The following CSMD3 variants were observed in gnomAD, a reference collection of about 807,000 sequenced individuals.
CSMD3 encodes CUB and sushi domain-containing protein 3.
In CSMD3, 177 loss-of-function variants were observed where a neutral mutation model predicts 435.2. That is an observed-to-expected ratio of 0.41 (90% CI 0.36 to 0.46). The LOEUF is 0.46. Ranked by LOEUF, CSMD3 falls within the 20% of genes least tolerant of loss-of-function variation. The pLI is 0.34. For missense variants in CSMD3, 4,265 were observed against 4,504.6 expected (o/e 0.95, Z 1.52); for synonymous variants, 1,656 against 1,520.5 (o/e 1.09, Z -2.07).
chr8:113,154,429 G>A (rs2091893332), intron 4 of CSMD3, among the ~76,000 whole-genome samples: 1 of 151,896 alleles, frequency 6.6e-6, no homozygotes, highest in African/African-American at 2.4e-5. Context: ...CCTAAAATGT[G>A]TGACCTTTGA....
chr8:113,419,723 C>T (rs931061243), intron 1 of CSMD3, among the ~76,000 whole-genome samples: 1 of 151,950 alleles, frequency 6.6e-6, no homozygotes, highest in Non-Finnish European at 1.5e-5. Flanking sequence ...CCCATAGTGC[C>T]TTTTATCTCC....
chr8:112,331,564 A>AT (rs4030103), intron 45 of CSMD3, among the ~76,000 whole-genome samples: 45 of 151,698 alleles, frequency 3.0e-4, no homozygotes, highest in South Asian at 1.5e-3. Context: ...AAAAACATAC[A>AT]TTTTTTTCCC....
intron 22 of CSMD3, among the ~76,000 whole-genome samples, chr8:112,624,104 A>C (rs1834292983): frequency 6.6e-6 from 1 of 152,114 alleles, no homozygotes; most frequent in South Asian, 2.1e-4. Flanking sequence ...ATTATCACCC[A>C]TGCACAAAGA....
chr8:112,823,065 T>C (rs1393151760), intron 12 of CSMD3, among the ~76,000 whole-genome samples: 1 of 152,208 alleles, frequency 6.6e-6, no homozygotes, highest in Non-Finnish European at 1.5e-5. Flanking sequence ...TTTGCATTGA[T>C]GTTCATCAGG....
Position 113,048,611 on chromosome 8 carries a change from C to G in CSMD3, c.918-29432G>C, listed in dbSNP as rs183931953. On this transcript the variant is annotated intron_variant, in intron 5 of 70. Transcript: ENST00000297405. ...TTTGAATAATTACATACTTCTTAAA[C>G]TTTTATATAATATTTTATTAAACAT... Among the ~76,000 whole-genome samples the G allele has an allele frequency of 4.6e-3, 700 of 152,126 alleles. 5 individuals carry two copies. Among genetic ancestry groups the G allele is most frequent in the African/African-American group, 0.015 (611 of 41,492 alleles).
intron 24 of CSMD3, among the ~76,000 whole-genome samples, chr8:112,561,308 G>A (rs2354349): frequency 0.26 from 39,143 of 151,358 alleles, 5,339 homozygotes; most frequent in East Asian, 0.47. Context: ...TTATACGCTG[G>A]TGAAATGAAA....
intron 10 of CSMD3, among the ~76,000 whole-genome samples, chr8:112,919,298 T>C (rs766156527): frequency 1.3e-5 from 2 of 151,854 alleles, no homozygotes; most frequent in Non-Finnish European, 2.9e-5. Context: ...ATTCAACAAA[T>C]AGTTCTTGAA....
rs543034674 is a variant in CSMD3, at chr8:113,254,895, G to C, written c.514+23697C>G. 3.3e-5 allele frequency among the ~76,000 whole-genome samples: 5 copies of C among 152,076 alleles called. No individual in the cohort carries two copies. In the South Asian group the frequency reaches 8.3e-4, roughly 25 times the overall value. ...ATGAATCACACTTGGCATTCATTCA[G>C]TTATTTATCTAAGTAGATATTCAAC... On this transcript the variant is annotated intron_variant, in intron 3 of 70. Coordinates refer to ENST00000297405, the MANE Select transcript of CSMD3 (RefSeq NM_198123.2).
chr8:113,285,266 T>A (rs2093637846), intron 2 of CSMD3, among the ~76,000 whole-genome samples: 1 of 150,608 alleles, frequency 6.6e-6, no homozygotes, highest in African/African-American at 2.4e-5. Context: ...GACAGCTTTT[T>A]TTTTTTTTTT....
intron 38 of CSMD3, among the ~76,000 whole-genome samples, chr8:112,373,304 T>G (rs917773708): frequency 1.4e-4 from 21 of 152,138 alleles, no homozygotes; most frequent in African/African-American, 4.8e-4. Flanking sequence ...TCTTCCCTTA[T>G]GTTACTCAGT....
chr8:112,293,016 T>C (rs1819924099), intron 54 of CSMD3, among the ~76,000 whole-genome samples: 1 of 152,054 alleles, frequency 6.6e-6, no homozygotes, highest in African/African-American at 2.4e-5. Context: ...TCTACTTTAT[T>C]GGGGAGGCAA....
At chr8:112,973,603 G>C (rs2084740298) in intron 7 of CSMD3, among the ~76,000 whole-genome samples, 1 of 151,898 alleles carries the variant, frequency 6.6e-6, no homozygotes, top group South Asian at 2.1e-4. Context: ...GCCATTTCCA[G>C]TTTAGAAATT....
chr8:112,723,479 G>C (rs896188926), intron 13 of CSMD3, among the ~76,000 whole-genome samples: 1 of 152,116 alleles, frequency 6.6e-6, no homozygotes, highest in African/African-American at 2.4e-5. Flanking sequence ...TCATTAAAGC[G>C]TAAGATAAAT....
chr8:113,181,180 T>C (rs1196667599), intron 3 of CSMD3, among the ~76,000 whole-genome samples: 2 of 151,924 alleles, frequency 1.3e-5, no homozygotes, highest in African/African-American at 4.8e-5. Context: ...TAGGGAGGAA[T>C]GAACACTGAT....
intron 13 of CSMD3, among the ~76,000 whole-genome samples, chr8:112,719,229 C>G (rs1357075015): frequency 6.6e-6 from 1 of 151,990 alleles, no homozygotes; most frequent in Non-Finnish European, 1.5e-5. Context: ...TATTTTCGGT[C>G]AGATTAGAAG....
chr8:112,519,300 A>G (rs1197946628), intron 27 of CSMD3, among the ~76,000 whole-genome samples: 2 of 152,220 alleles, frequency 1.3e-5, no homozygotes, highest in Non-Finnish European at 2.9e-5. Context: ...GGGTCTTAAC[A>G]ACCTTGTTGT....
intron 6 of CSMD3, among the ~76,000 whole-genome samples, chr8:112,994,102 C>T (rs375640272): frequency 2.6e-5 from 4 of 151,826 alleles, no homozygotes; most frequent in African/African-American, 9.6e-5. Flanking sequence ...GATAATATTT[C>T]TTGGTGATAA....
Position 113,123,597 on chromosome 8 carries a change from C to T in CSMD3, c.710-24634G>A, listed in dbSNP as rs368092441. ...CAGTTTTAGGCATAGGATCAAAACTCGTTTCTAACTTTCACTTTTCTTGCT... is the reference window on the plus strand; with the variant it reads ...CAGTTTTAGGCATAGGATCAAAACTTGTTTCTAACTTTCACTTTTCTTGCT... On this transcript the variant is annotated intron_variant, in intron 4 of 70. Coordinates refer to ENST00000297405, the MANE Select transcript of CSMD3 (RefSeq NM_198123.2). Among the ~76,000 whole-genome samples, 4 of 152,096 alleles carry T rather than the reference C, an allele frequency of 2.6e-5. No individual in the cohort carries two copies. In the South Asian group the frequency reaches 8.3e-4, roughly 32 times the overall value.
At position 113,378,515 on chromosome 8, in the gene CSMD3, C is replaced by T. The variant is rs1235083564; in HGVS notation, c.178+58162G>A. ...GAGGATAGGGTAGATAGTAGTTTTA[C>T]GTTATAGTGGACAAGAAAGGCATTT... On this transcript the variant is annotated intron_variant, in intron 1 of 70. Coordinates refer to ENST00000297405, the MANE Select transcript of CSMD3 (RefSeq NM_198123.2). 2.0e-5 allele frequency among the ~76,000 whole-genome samples: 3 copies of T among 152,078 alleles called. 1 individual carries two copies. The South Asian group carries it at 6.2e-4, about 32-fold the overall frequency.
Sources: allele counts gnomAD v4.1 joint callset (sites outside exome capture counted in the v4.1 genomes callset), GRCh38; gene constraint gnomAD v4.1.1; transcripts MANE v1.5; gene names NCBI Gene and HGNC (gene_info 2026-07-23, HGNC 2026-07-21).